Variants in HOOK2 observed in about 807,000 individuals in gnomAD.
The protein encoded by HOOK2 is protein Hook homolog 2.
A neutral mutation model predicts 111.9 loss-of-function variants in HOOK2; 108 were observed. That is an observed-to-expected ratio of 0.96 (90% CI 0.83 to 1.13). The LOEUF (loss-of-function observed/expected upper bound fraction) is 1.13, where lower values mean the gene tolerates loss of function less well. HOOK2 is among the 50% of genes most tolerant of loss of function. The probability of loss-of-function intolerance (pLI) is 0.00; values close to 1 mark genes in which losing one functional copy is unlikely to be tolerated. For synonymous variants in HOOK2, 405 were observed against 394.3 expected (o/e 1.03, Z -0.32); for missense variants, 978 against 951.3 (o/e 1.03, Z -0.37).
chr19:12,767,916 G>A lies in HOOK2; in HGVS notation c.1216-13C>T. 3.1e-6 allele frequency: 5 copies of A among 1,610,184 alleles called. No homozygotes were observed. The highest frequency in any genetic ancestry group is 4.2e-6 in the Non-Finnish European group (5 of 1,178,000). On this transcript the variant is annotated splice_polypyrimidine_tract_variant and intron_variant, in intron 12 of 22. Transcript: ENST00000397668. ...CCGCCAACAGCCGCTGCAGGGACAGGGTACAAGACACTCCACGGGTCAGGC... is the reference window on the plus strand; with the variant it reads ...CCGCCAACAGCCGCTGCAGGGACAGAGTACAAGACACTCCACGGGTCAGGC...
chr19:12,787,585 T>C (rs533226769), intron 3 of HOOK2, among the ~76,000 whole-genome samples: 6 of 151,662 alleles, frequency 4.0e-5, no homozygotes, highest in Non-Finnish European at 7.4e-5. Context: ...TGAGCTGATA[T>C]TGTGCCACTG....
chr19:12,768,712 G>C (rs1487319202), intron 11 of HOOK2, among the ~76,000 whole-genome samples: 1 of 152,098 alleles, frequency 6.6e-6, no homozygotes, highest in Non-Finnish European at 1.5e-5. Flanking sequence ...GGCCTCAAGC[G>C]ATCTCCCATC....
chr19:12,763,243 G>C lies in HOOK2; in HGVS notation c.*39C>G. 6.3e-7 allele frequency: 1 copy of C among 1,591,430 alleles called. No homozygotes were observed. Among genetic ancestry groups the C allele is most frequent in the South Asian group, 1.1e-5 (1 of 89,820 alleles). Reference sequence around the variant, plus strand: ...GCGCCATGTGAGCTGGAGGAAGCCAGGGTGGGTGGAGCCCAGGCTGGCTTG... The same window carrying C: ...GCGCCATGTGAGCTGGAGGAAGCCACGGTGGGTGGAGCCCAGGCTGGCTTG... On this transcript the variant is annotated 3_prime_UTR_variant, in exon 23 of 23. Transcript: ENST00000397668.
At chr19:12,784,017 G>T (rs1320870156) in intron 3 of HOOK2, among the ~76,000 whole-genome samples, 3 of 149,982 alleles carry the variant, frequency 2.0e-5, no homozygotes, top group Admixed American at 2.0e-4. Flanking sequence ...GCCCCCCCAC[G>T]CTGCAGCCCC....
Position 12,790,397 on chromosome 19 carries a change from C to T in HOOK2, n.42-16172G>A, listed in dbSNP as rs1968700124. 6.6e-6 allele frequency among the ~76,000 whole-genome samples: 1 copy of T among 151,988 alleles called. No individual in the cohort carries two copies. The highest frequency in any genetic ancestry group is 2.4e-5 in the African/African-American group (1 of 41,378). On this transcript the variant is annotated intron_variant and non_coding_transcript_variant, in intron 3 of 3. Coordinates refer to the HOOK2 transcript ENST00000589765. This position sits in a 1 kb window ranked among gnomAD's most constrained non-coding sequence, Gnocchi z 7.2. Reference sequence around the variant, plus strand: ...GGAAGGGAGTGGGGTTGGGCGACCGCGCCCCAGCCGTCGGGCTGGGTCCAG... The same window carrying T: ...GGAAGGGAGTGGGGTTGGGCGACCGTGCCCCAGCCGTCGGGCTGGGTCCAG...
Position 12,775,402 on chromosome 19 carries a change from T to A in HOOK2, c.45+3A>T, listed in dbSNP as rs1380207088. The A allele has an allele frequency of 6.2e-7, 1 of 1,611,762 alleles. No individual in the cohort carries two copies. Among genetic ancestry groups the A allele is most frequent in the Non-Finnish European group, 8.5e-7 (1 of 1,179,256 alleles). On this transcript the variant is annotated splice_donor_region_variant and intron_variant, in intron 1 of 22. Coordinates refer to ENST00000397668, the MANE Select transcript of HOOK2 (RefSeq NM_013312.3). ...CTTCCCCTAGCCCCGCCCCACGACC[T>A]ACCCAGGTGAGCAGAGACCCGCATA...
In HOOK2 at chr19:12,768,079, G is replaced by T. The variant is rs769579474; in HGVS notation, c.1149C>A (p.Ala383=). The change falls in exon 12 of 23, where the codon GCC becomes GCA. Residue 383 remains alanine (A), a synonymous_variant. Transcript: ENST00000397668. ...TGCGGCATTCAAATAGCCATTTCTCGGCCTTCATGGCCTCCTCCTGCCGCT... is the reference window on the plus strand; with the variant it reads ...TGCGGCATTCAAATAGCCATTTCTCTGCCTTCATGGCCTCCTCCTGCCGCT... ...QGQRQEEAMK[A]EKWLFECRNL... 12 of 1,614,194 alleles carry T rather than the reference G, an allele frequency of 7.4e-6. No individual in the cohort carries two copies. Among genetic ancestry groups the T allele is most frequent in the Non-Finnish European group, 1.0e-5 (12 of 1,180,044 alleles).
At chr19:12,775,165 A>C (rs1224379182) in intron 1 of HOOK2, 3 of 983,208 alleles carry the variant, frequency 3.1e-6, no homozygotes, top group Non-Finnish European at 3.6e-6. Context: ...GACCAGGCCA[A>C]TTCACCTGTG....
intron 3 of HOOK2, among the ~76,000 whole-genome samples, chr19:12,787,451 T>G (rs1238154391): frequency 6.6e-6 from 1 of 151,614 alleles, no homozygotes; most frequent in Non-Finnish European, 1.5e-5. Context: ...GCCAACATGG[T>G]GAAACCCCAT....
chr19:12,777,962 T>G (rs1968558738), upstream of HOOK2, among the ~76,000 whole-genome samples: 1 of 152,238 alleles, frequency 6.6e-6, no homozygotes, highest in Non-Finnish European at 1.5e-5. Context: ...AGATGGCAAG[T>G]GCTGTTTTAA....
At chr19:12,785,879 T>A (rs1968650588) in intron 3 of HOOK2, among the ~76,000 whole-genome samples, 1 of 152,040 alleles carries the variant, frequency 6.6e-6, no homozygotes, top group African/African-American at 2.4e-5. Context: ...TTTTGCCACT[T>A]CCCCTAGGAG....
chr19:12,781,918 C>T (rs145564183), upstream of HOOK2, among the ~76,000 whole-genome samples: 1 of 152,088 alleles, frequency 6.6e-6, no homozygotes, highest in Non-Finnish European at 1.5e-5. Flanking sequence ...CTGCTCAGTG[C>T]AGCCTTGAAT....
upstream of HOOK2, among the ~76,000 whole-genome samples, chr19:12,780,884 A>T (rs2145793693): frequency 6.9e-6 from 1 of 145,188 alleles, no homozygotes; most frequent in South Asian, 2.2e-4. Context: ...AGGCTGAGGC[A>T]GGAGAATGGC....
intron 1 of HOOK2, chr19:12,775,200 C>A (rs1175542766): frequency 1.0e-6 from 1 of 985,218 alleles, no homozygotes; most frequent in East Asian, 1.1e-4. Context: ...GAACCAACCA[C>A]AGAGGGGCGG....
At chr19:12,765,607 G>T in intron 18 of HOOK2, 83 bp downstream of exon 18, 2 of 1,535,188 alleles carry the variant, frequency 1.3e-6, no homozygotes, top group Non-Finnish European at 1.8e-6. Flanking sequence ...AAATCAGCCA[G>T]GCATGGTGGC....
intron 14 of HOOK2, 145 bp downstream of exon 14, chr19:12,767,250 A>C (rs1180346875): frequency 1.5e-6 from 1 of 656,964 alleles, no homozygotes; most frequent in African/African-American, 1.8e-5. Flanking sequence ...CCAAATCAGG[A>C]GTAAGTGGGC....
At position 12,763,496 on chromosome 19, in the gene HOOK2, A is replaced by G. The variant is rs201919788; in HGVS notation, c.2010+32T>C. On this transcript the variant is annotated intron_variant, in intron 22 of 22. Coordinates refer to ENST00000397668, the MANE Select transcript of HOOK2 (RefSeq NM_013312.3). ...GGACCCCCCCACCAATATTCTACCC[A>G]TGAGATCTTAGAGCCCAGACCCCAC... 6.4e-5 allele frequency: 103 copies of G among 1,614,056 alleles called. No homozygotes were observed. The African/African-American group carries it at 1.1e-3, about 18-fold the overall frequency.
At chr19:12,767,952 G>A (rs1405537608) in intron 12 of HOOK2, 49 bp from the exon 13 acceptor site, 2 of 1,610,320 alleles carry the variant, frequency 1.2e-6, no homozygotes, top group Non-Finnish European at 1.7e-6. Flanking sequence ...TCGGCCTCCT[G>A]GGAAATGGGC....
chr19:12,769,182 G>A (rs149024142), intron 11 of HOOK2, among the ~76,000 whole-genome samples: 2,424 of 151,780 alleles, frequency 0.016, 19 homozygotes, highest in Non-Finnish European at 0.024. Context: ...AGCCAGGATG[G>A]TCTCGATCTC....
Sources: gnomAD v4.1 joint callset for allele counts (sites outside exome capture counted in the v4.1 genomes callset) on GRCh38, gnomAD v4.1.1 for gene constraint, Gnocchi (gnomAD v3.1) non-coding constraint, MANE v1.5 for transcripts, NCBI Gene and HGNC (gene_info 2026-07-23, HGNC 2026-07-21) for gene names.